The following MALT1 variants were observed in gnomAD, a reference collection of about 807,000 sequenced individuals.
MALT1 encodes the protein mucosa-associated lymphoid tissue lymphoma translocation protein 1.
MALT1 carries 36 observed loss-of-function variants against 85.5 expected under a neutral mutation model. The observed-to-expected ratio is 0.42, with a 90% CI of 0.32 to 0.56. The LOEUF is 0.56. Among genes scored for constraint, MALT1 ranks in the 20% least tolerant of loss-of-function variants. MALT1 has a pLI of 0.10. For synonymous variants in MALT1, 359 were observed against 361.3 expected (o/e 0.99, Z 0.07); for missense variants, 716 against 981.6 (o/e 0.73, Z 3.62).
intron 3 of MALT1, among the ~76,000 whole-genome samples, chr18:58,699,873 T>C (rs1602299866): frequency 6.6e-6 from 1 of 152,222 alleles, no homozygotes; most frequent in African/African-American, 2.4e-5. Flanking sequence ...ACTGTCTCAT[T>C]GATATGCTTT....
chr18:58,709,129 C>A (rs1298680958), intron 4 of MALT1, among the ~76,000 whole-genome samples: 1 of 152,194 alleles, frequency 6.6e-6, no homozygotes, highest in Non-Finnish European at 1.5e-5. Context: ...ACTTTTAAAG[C>A]TTTGAGAAGT....
intron 2 of MALT1, among the ~76,000 whole-genome samples, chr18:58,692,934 G>A (rs754137886): frequency 2.6e-5 from 4 of 152,174 alleles, no homozygotes; most frequent in Admixed American, 1.3e-4. Context: ...ATGCCCCTAA[G>A]CCAAAGCCTA....
intron 2 of MALT1, among the ~76,000 whole-genome samples, chr18:58,693,350 A>C (rs2054541390): frequency 6.6e-6 from 1 of 152,230 alleles, no homozygotes; most frequent in Non-Finnish European, 1.5e-5. Context: ...TACACCTGGA[A>C]GGCGGAGGTT....
intron 2 of MALT1, among the ~76,000 whole-genome samples, chr18:58,689,567 G>A (rs1015610225): frequency 2.0e-5 from 3 of 152,206 alleles, no homozygotes; most frequent in African/African-American, 7.2e-5. Flanking sequence ...AGACCATCAA[G>A]GTCCTTGGCC....
In MALT1 at chr18:58,751,894, C is replaced by T. The variant is rs1008251736; in HGVS notation, c.*4052C>T. The T allele has an allele frequency of 1.3e-5, 2 of 152,162 alleles. No homozygotes were observed. The highest frequency in any genetic ancestry group is 6.5e-5 in the Admixed American group (1 of 15,270). 9.4% of individuals were successfully genotyped at this position (152,162 alleles called of 1,614,324 possible). A position where few individuals can be genotyped will look rare whatever the true frequency, so the allele number is the denominator to read the frequency against. ...CATGGGACAATTTGAATTTAAAACA[C>T]TATTGTTCCTCATTCAGTGATGAAC... On this transcript the variant is annotated 3_prime_UTR_variant, in exon 17 of 17. Coordinates refer to ENST00000649217, the MANE Select transcript of MALT1 (RefSeq NM_006785.4).
intron 12 of MALT1, among the ~76,000 whole-genome samples, chr18:58,734,795 G>A (rs554107553): frequency 6.6e-6 from 1 of 152,298 alleles, no homozygotes; most frequent in East Asian, 1.9e-4. Flanking sequence ...TCATGTGAGA[G>A]GCAGAAGAGA....
chr18:58,717,161 G>A (rs911032642), intron 9 of MALT1, among the ~76,000 whole-genome samples: 2 of 152,128 alleles, frequency 1.3e-5, no homozygotes, highest in African/African-American at 4.8e-5. Flanking sequence ...TCAGAAGATT[G>A]AGATCAGCCT....
chr18:58,719,460 C>G (rs572164221), intron 9 of MALT1, among the ~76,000 whole-genome samples: 1 of 152,274 alleles, frequency 6.6e-6, no homozygotes, highest in Non-Finnish European at 1.5e-5. Context: ...GGTTCCTTCT[C>G]CCTCCCTGAG....
At chr18:58,725,312 A>G (rs909528869) in intron 10 of MALT1, among the ~76,000 whole-genome samples, 2 of 152,078 alleles carry the variant, frequency 1.3e-5, no homozygotes, top group African/African-American at 2.4e-5. Flanking sequence ...ACAGAATGAG[A>G]CTTGGAATCT....
chr18:58,709,315 AAT>A, intron 4 of MALT1, 61 bp from the exon 5 acceptor site: 1 of 1,145,582 alleles, frequency 8.7e-7, no homozygotes, highest in Non-Finnish European at 1.2e-6. Flanking sequence ...ACATCTCTTT[AAT>A]TATAGGGAAA....
chr18:58,718,191 T>C (rs1448532561), intron 9 of MALT1, among the ~76,000 whole-genome samples: 1 of 152,234 alleles, frequency 6.6e-6, no homozygotes, highest in African/African-American at 2.4e-5. Context: ...CATCTATCTC[T>C]CATTCCATAG....
At chr18:58,694,375 G>A (rs890997556) in intron 2 of MALT1, among the ~76,000 whole-genome samples, 2 of 151,994 alleles carry the variant, frequency 1.3e-5, no homozygotes, top group Non-Finnish European at 1.5e-5. Flanking sequence ...TAAGATTACT[G>A]TTATTTACAC....
rs760462057 is a variant in MALT1 at position 58,735,418 on chromosome 18, T to C, written c.1603+89T>C. The C allele has an allele frequency of 5.1e-5, 70 of 1,385,476 alleles. No individual in the cohort carries two copies. The Middle Eastern group carries it at 1.3e-3, about 25-fold the overall frequency. The allele number at this position is 1,385,476 out of a possible 1,614,324, so 85.8% of individuals were successfully genotyped here. ...AGGGTTCCCTCTCTGGTGATTGTTT[T>C]ATTCTTATTATGTGGGTTTGGAATT... On this transcript the variant is annotated intron_variant, in intron 13 of 16. Coordinates refer to ENST00000649217, the MANE Select transcript of MALT1 (RefSeq NM_006785.4).
chr18:58,734,292 G>A lies in MALT1; in HGVS notation c.1401-15G>A, dbSNP rs371051170. The stretch of plus-strand genomic sequence containing the variant: ...TTCATATTTCTATCTGCCCTCCTCC[G>A]CCTCCCTTAAATAGAAATGACTACG... On this transcript the variant is annotated splice_polypyrimidine_tract_variant and intron_variant, in intron 11 of 16. Transcript: ENST00000649217. The A allele has an allele frequency of 2.9e-5, 46 of 1,582,500 alleles. No homozygotes were observed. In the Middle Eastern group the frequency reaches 6.6e-4, roughly 23 times the overall value.
At chr18:58,747,271 C>A (rs1568158921) in intron 16 of MALT1, 134 bp from the exon 17 acceptor site, 1 of 625,928 alleles carries the variant, frequency 1.6e-6, no homozygotes, top group African/African-American at 1.8e-5. Flanking sequence ...ATAAAGGATG[C>A]CTTGAGGATT....
At chr18:58,692,407 CCTCTCTCT>C (rs35054606) in intron 2 of MALT1, among the ~76,000 whole-genome samples, 23,626 of 130,342 alleles carry the variant, frequency 0.18, 2,515 homozygotes, top group East Asian at 0.34. Flanking sequence ...ACTGGCCATT[CCTCTCTCT>C]CTCTCTCTCT....
At position 58,696,517 on chromosome 18, in the gene MALT1, TC is replaced by T. The variant is rs1332754131; in HGVS notation, c.498+32del. 5.4e-6 allele frequency: 8 copies of T among 1,485,702 alleles called. No homozygotes were observed. The Middle Eastern group carries it at 1.1e-3, about 197-fold the overall frequency. The allele number at this position is 1,485,702 out of a possible 1,614,324, so 92.0% of individuals were successfully genotyped here. ...TTTTTTAAATATATCTTTTAATTCT[TC>T]CAAGGAGAGAGAATGATAGAGAATT... On this transcript the variant is annotated intron_variant, in intron 3 of 16. Transcript: ENST00000649217.
chr18:58,734,715 G>C (rs2055201396), intron 12 of MALT1: 1 of 254,670 alleles, frequency 3.9e-6, no homozygotes, highest in South Asian at 1.0e-4. Context: ...CCATATCATG[G>C]TATCTTAATT....
chr18:58,676,564 A>T (rs893256496), intron 1 of MALT1, among the ~76,000 whole-genome samples: 4 of 152,206 alleles, frequency 2.6e-5, no homozygotes, highest in African/African-American at 7.2e-5. Flanking sequence ...AGGTAACCAC[A>T]TGACTTGTTC....
Sources: gnomAD v4.1 joint callset for allele counts (sites outside exome capture counted in the v4.1 genomes callset) on GRCh38, gnomAD v4.1.1 for gene constraint, MANE v1.5 for transcripts, NCBI Gene and HGNC (gene_info 2026-07-23, HGNC 2026-07-21) for gene names.